Variants in SLC13A4 observed in about 807,000 individuals in gnomAD.
SLC13A4 encodes the protein solute carrier family 13 member 4.
SLC13A4 carries 28 observed loss-of-function variants against 72.7 expected under a neutral mutation model. The ratio of observed to expected loss-of-function variants is 0.39; its 90% CI spans 0.29 to 0.53. SLC13A4 has a LOEUF of 0.53. Ranked by LOEUF, SLC13A4 falls within the 20% of genes least tolerant of loss-of-function variation. SLC13A4 has a pLI of 0.78. For synonymous variants in SLC13A4, 312 were observed against 325.5 expected, an observed-to-expected ratio of 0.96 and a Z score of 0.45; for missense variants, 653 against 788.0, an observed-to-expected ratio of 0.83 and a Z score of 2.05.
At chr7:135,699,043 A>T (rs1229619468) in intron 8 of SLC13A4, among the ~76,000 whole-genome samples, 1 of 151,696 alleles carries the variant, frequency 6.6e-6, no homozygotes, top group East Asian at 1.9e-4. Flanking sequence ...TGGGCTCCAC[A>T]ATTCTGTCTC....
intron 2 of SLC13A4, among the ~76,000 whole-genome samples, chr7:135,709,214 A>G (rs1421971785): frequency 6.6e-6 from 1 of 151,916 alleles, no homozygotes; most frequent in African/African-American, 2.4e-5. Flanking sequence ...CAGAAGCATG[A>G]GCCAGCGCAC....
chr7:135,699,076 G>A (rs923055339), intron 8 of SLC13A4, among the ~76,000 whole-genome samples: 24 of 152,092 alleles, frequency 1.6e-4, no homozygotes, highest in African/African-American at 5.3e-4. Context: ...AGCTGGGACT[G>A]TATACAGGTG....
chr7:135,705,175 C>T, intron 5 of SLC13A4: 1 of 162,526 alleles, frequency 6.2e-6, no homozygotes, highest in Admixed American at 5.8e-5. Flanking sequence ...AAGACCTTAT[C>T]TAATATCTAG....
chr7:135,717,944 C>G (rs1267403231), intron 2 of SLC13A4, among the ~76,000 whole-genome samples: 7 of 152,138 alleles, frequency 4.6e-5, no homozygotes, highest in Non-Finnish European at 1.0e-4. Flanking sequence ...ACACCATTGG[C>G]TTCCCTGGTT....
chr7:135,695,114 A>G (rs1795872128), intron 9 of SLC13A4, among the ~76,000 whole-genome samples: 2 of 152,254 alleles, frequency 1.3e-5, no homozygotes, highest in South Asian at 4.1e-4. Flanking sequence ...TAAACTGGAC[A>G]GGCTCTCTAA....
intron 7 of SLC13A4, among the ~76,000 whole-genome samples, chr7:135,700,838 C>A (rs139731048): frequency 6.6e-6 from 1 of 152,080 alleles, no homozygotes; most frequent in Non-Finnish European, 1.5e-5. Flanking sequence ...TTAGTAGAGA[C>A]GAGATCTGGC....
At chr7:135,698,978 T>G (rs1000561121) in intron 8 of SLC13A4, among the ~76,000 whole-genome samples, 2 of 152,078 alleles carry the variant, frequency 1.3e-5, no homozygotes, top group Non-Finnish European at 2.9e-5. Context: ...TCTTGCTCTA[T>G]CGCTCAGGCT....
rs1309754068 is a variant in SLC13A4 at position 135,727,533 on chromosome 7, G to T, written c.-37C>A. On this transcript the variant is annotated 5_prime_UTR_variant, in exon 1 of 16. Coordinates refer to ENST00000682651, the MANE Select transcript of SLC13A4 (RefSeq NM_001318192.2). Reference sequence around the variant, plus strand: ...CCTCTCCAGCTCGTCCTTGGACCCCGCTCTGCCGGCGAAAGGCTTCCTGCC... The same window carrying T: ...CCTCTCCAGCTCGTCCTTGGACCCCTCTCTGCCGGCGAAAGGCTTCCTGCC... The T allele has an allele frequency of 6.5e-7, 1 of 1,527,914 alleles. No homozygotes were observed. Among genetic ancestry groups the T allele is most frequent in the Admixed American group, 2.0e-5 (1 of 50,002 alleles). 94.6% of individuals were successfully genotyped at this position (1,527,914 alleles called of 1,614,324 possible).
At chr7:135,710,656 G>C (rs1187734603) in intron 2 of SLC13A4, among the ~76,000 whole-genome samples, 1 of 152,174 alleles carries the variant, frequency 6.6e-6, no homozygotes, top group Non-Finnish European at 1.5e-5. Context: ...TAAAGTATTT[G>C]ATTTTTAAAC....
At position 135,727,477 on chromosome 7, in the gene SLC13A4, A is replaced by C; in HGVS notation, c.20T>G (p.Leu7Arg). The part of the protein sequence containing the change: MGLLQG[L>R]LRVRKLLLVV... ...CAGCAGCAGCTTCCGGACTCGGAGC[A>C]GGCCCTGCAGCAGGCCCATCGCGCC... The change falls in exon 1 of 16, where the codon CTG (leucine) becomes CGG (arginine). Residue 7 changes from leucine to arginine, a missense_variant. Physicochemically the swap from Leu to Arg is moderately radical, Grantham distance 102 (BLOSUM62 -2). Transcript: ENST00000682651. 6.4e-7 allele frequency: 1 copy of C among 1,550,528 alleles called. No individual in the cohort carries two copies. Among genetic ancestry groups the C allele is most frequent in the Non-Finnish European group, 8.7e-7 (1 of 1,146,834 alleles).
At chr7:135,711,615 C>T (rs942195989) in intron 2 of SLC13A4, among the ~76,000 whole-genome samples, 3 of 152,178 alleles carry the variant, frequency 2.0e-5, no homozygotes, top group Non-Finnish European at 4.4e-5. Context: ...GATACCACTT[C>T]AGGGCCATCT....
rs763143809 is a variant in SLC13A4, at chr7:135,691,259, A to G, written c.1388T>C (p.Met463Thr). 44 of 1,613,116 alleles carry G rather than the reference A, an allele frequency of 2.7e-5. 1 individual carries two copies. Among genetic ancestry groups the G allele is most frequent in the Non-Finnish European group, 3.3e-5 (39 of 1,179,544 alleles). The change falls in exon 13 of 16, where the codon ATG becomes ACG. Residue 463 changes from methionine to threonine, a missense_variant. Physicochemically the swap from Met to Thr is moderately conservative, Grantham distance 81. Transcript: ENST00000682651. ...IITWKDFQKT[M>T]PWEIVILVGG... is the part of the protein sequence containing the mutation. The stretch of plus-strand genomic sequence containing the variant: ...AACCAGAATGACAATCTCCCAGGGC[A>G]TGGTCTTCTGGAAGTCCTTCCACGT...
intron 11 of SLC13A4, chr7:135,691,961 C>A: frequency 2.4e-6 from 1 of 411,950 alleles, no homozygotes; most frequent in African/African-American, 2.0e-5. Flanking sequence ...AGGATGAGAC[C>A]TCTTTCCTAT....
chr7:135,690,316 T>C (rs890479733), intron 13 of SLC13A4, among the ~76,000 whole-genome samples: 1 of 151,798 alleles, frequency 6.6e-6, no homozygotes, highest in Non-Finnish European at 1.5e-5. Context: ...TATGGAGGGC[T>C]AACACTTTAG....
At position 135,702,016 on chromosome 7, in the gene SLC13A4, T is replaced by C. The variant is rs544992898; in HGVS notation, c.634-256A>G. On this transcript the variant is annotated intron_variant, in intron 6 of 15. Coordinates refer to ENST00000682651, the MANE Select transcript of SLC13A4 (RefSeq NM_001318192.2). ...TCTGCCCTTAGAGGAGAGCCAGCCTTTCTGGGACTTTATTAGCTAATGAAG... is the reference window on the plus strand; with the variant it reads ...TCTGCCCTTAGAGGAGAGCCAGCCTCTCTGGGACTTTATTAGCTAATGAAG... 4 of 366,732 alleles carry C rather than the reference T, an allele frequency of 1.1e-5. No homozygotes were observed. In the South Asian group the frequency reaches 3.8e-4, roughly 35 times the overall value. 22.7% of individuals were successfully genotyped at this position (366,732 alleles called of 1,614,324 possible). A position where few individuals can be genotyped will look rare whatever the true frequency, so the allele number is the denominator to read the frequency against.
In SLC13A4 at chr7:135,702,831, C is replaced by T. The variant is rs1280038466; in HGVS notation, c.633+14G>A. On this transcript the variant is annotated intron_variant, in intron 6 of 15. Coordinates refer to ENST00000682651, the MANE Select transcript of SLC13A4 (RefSeq NM_001318192.2). Reference sequence around the variant, plus strand: ...CAAGTGATTCCAAAGCACAGAAAAACCCCAAGGCCATACCTCGTTGTGCAT... The same window carrying T: ...CAAGTGATTCCAAAGCACAGAAAAATCCCAAGGCCATACCTCGTTGTGCAT... 6 of 1,612,302 alleles carry T rather than the reference C, an allele frequency of 3.7e-6. No individual in the cohort carries two copies.
At position 135,712,554 on chromosome 7, in the gene SLC13A4, A is replaced by G. The variant is rs142446512; in HGVS notation, c.229-4304T>C. Among the ~76,000 whole-genome samples, 830 of 151,854 alleles carry G rather than the reference A, an allele frequency of 5.5e-3. 7 individuals are homozygous for G. The highest frequency in any genetic ancestry group is 0.019 in the African/African-American group (783 of 41,392). ...AAATGACACGTGCAAACCAGCTGGC[A>G]TGGCCTGCCACATTGATGGCCAGGA... On this transcript the variant is annotated intron_variant, in intron 2 of 15. Transcript: ENST00000682651.
intron 3 of SLC13A4, among the ~76,000 whole-genome samples, chr7:135,707,080 T>C (rs920341318): frequency 6.6e-6 from 1 of 152,232 alleles, no homozygotes; most frequent in African/African-American, 2.4e-5. Flanking sequence ...ACGTTTATCA[T>C]GTGGACTCCA....
chr7:135,717,074 C>T (rs1222156719), intron 2 of SLC13A4, among the ~76,000 whole-genome samples: 1 of 152,230 alleles, frequency 6.6e-6, no homozygotes. Flanking sequence ...CATTAGCCAG[C>T]TAGCGCATCC....
Sources: gnomAD v4.1 joint callset for allele counts (sites outside exome capture counted in the v4.1 genomes callset) on GRCh38, gnomAD v4.1.1 for gene constraint, MANE v1.5 for transcripts, NCBI Gene and HGNC (gene_info 2026-07-23, HGNC 2026-07-21) for gene names.